The following HSPG2 variants were observed in gnomAD, a reference collection of about 807,000 sequenced individuals.
HSPG2 encodes the protein basement membrane-specific heparan sulfate proteoglycan core protein.
A neutral mutation model predicts 526.6 loss-of-function variants in HSPG2; 278 were observed. The observed-to-expected ratio is 0.53, with a 90% CI of 0.48 to 0.58. The LOEUF (loss-of-function observed/expected upper bound fraction) is 0.58, where lower values mean the gene tolerates loss of function less well. HSPG2 is among the 20% of genes least tolerant of loss of function. HSPG2 has a pLI of 0.00. For synonymous variants in HSPG2, 2,465 were observed against 2,555.4 expected, an observed-to-expected ratio of 0.96 and a Z score of 1.07; for missense variants, 5,354 against 6,099.5, an observed-to-expected ratio of 0.88 and a Z score of 4.07.
In HSPG2 at chr1:21,858,798, G is replaced by A. The variant is rs1350913108; in HGVS notation, c.5293+768C>T. 6.6e-6 allele frequency among the ~76,000 whole-genome samples: 1 copy of A among 152,192 alleles called. No homozygotes were observed. The highest frequency in any genetic ancestry group is 1.5e-5 in the Non-Finnish European group (1 of 68,032). ...GGGACAGATGTGCAGGGGACTTGATGCTCCCAGAATAGGTCTCAGTCAATG... is the reference window on the plus strand; with the variant it reads ...GGGACAGATGTGCAGGGGACTTGATACTCCCAGAATAGGTCTCAGTCAATG... On this transcript the variant is annotated intron_variant, in intron 42 of 96. Transcript: ENST00000374695. This position sits in a 1 kb window ranked among gnomAD's most constrained non-coding sequence, Gnocchi z 4.2.
intron 47 of HSPG2, 124 bp downstream of exon 47, chr1:21,855,180 A>G (rs1639235427): frequency 7.1e-7 from 1 of 1,403,234 alleles, no homozygotes. Flanking sequence ...GGAGACCACC[A>G]TCTTGGAGGT....
Position 21,851,580 on chromosome 1 carries a change from T to C in HSPG2, c.7124A>G (p.His2375Arg), listed in dbSNP as rs756648640. 1 of 1,613,996 alleles carries C rather than the reference T, an allele frequency of 6.2e-7. No homozygotes were observed. Among genetic ancestry groups the C allele is most frequent in the Non-Finnish European group, 8.5e-7 (1 of 1,180,042 alleles). Residue 2375 changes from histidine (H) to arginine (R), a missense_variant, in exon 55 of 97, where the codon CAC (histidine) becomes CGC (arginine). His to Arg is a conservative substitution (Grantham distance 29). Transcript: ENST00000374695. The part of the protein sequence containing the change: ...PGQSHAQVTW[H>R]KRGGSLPVRH... Reference sequence around the variant, plus strand: ...GACAGGGAGGCTGCCCCCACGCTTGTGCCACGTGACCTGGGCATGGGACTG... The same window carrying C: ...GACAGGGAGGCTGCCCCCACGCTTGCGCCACGTGACCTGGGCATGGGACTG...
rs1406709663 is a variant in HSPG2, at chr1:21,872,380, G to A, written c.4030-3C>T. 1 of 1,563,998 alleles carries A rather than the reference G, an allele frequency of 6.4e-7. No individual in the cohort carries two copies. Among genetic ancestry groups the A allele is most frequent in the Non-Finnish European group, 8.7e-7 (1 of 1,152,716 alleles). The stretch of plus-strand genomic sequence containing the variant: ...CCAGGGGCAAAGTGGGTGGAGATCT[G>A]GCAGGGGAAAAAGGAGGGGGCGTCA... On this transcript the variant is annotated splice_region_variant and splice_polypyrimidine_tract_variant and intron_variant, in intron 32 of 96. Coordinates refer to ENST00000374695, the MANE Select transcript of HSPG2 (RefSeq NM_005529.7). The surrounding 1 kb of genome is among the most constrained non-coding windows in gnomAD (Gnocchi z 5.5).
Position 21,841,687 on chromosome 1 carries a change from T to G in HSPG2, c.9194-14A>C, listed in dbSNP as rs774962810. 6.2e-7 allele frequency: 1 copy of G among 1,613,808 alleles called. No individual in the cohort carries two copies. The highest frequency in any genetic ancestry group is 8.5e-7 in the Non-Finnish European group (1 of 1,179,878). ...TGTGGACGTTGTCTGTGAGGTTGCA[T>G]GGGGGAGGGTGAGAGAGGATTGACC... On this transcript the variant is annotated splice_polypyrimidine_tract_variant and intron_variant, in intron 69 of 96. Coordinates refer to ENST00000374695, the MANE Select transcript of HSPG2 (RefSeq NM_005529.7).
Position 21,898,111 on chromosome 1 carries a change from A to G in HSPG2, c.64-1801T>C, listed in dbSNP as rs544493412. On this transcript the variant is annotated intron_variant, in intron 1 of 96. Transcript: ENST00000374695. This position sits in a 1 kb window ranked among gnomAD's most constrained non-coding sequence, Gnocchi z 4.0. ...CGGACAAAAACGGAATTCATCACCT[A>G]TGAATTCCAGTCACTCTGTGAAGAT... Among the ~76,000 whole-genome samples the G allele has an allele frequency of 6.6e-6, 1 of 152,336 alleles. No individual in the cohort carries two copies. The highest frequency in any genetic ancestry group is 2.4e-5 in the African/African-American group (1 of 41,568).
chr1:21,837,144 C>T (rs1268065038), intron 74 of HSPG2, 138 bp from the exon 75 acceptor site: 14 of 784,318 alleles, frequency 1.8e-5, no homozygotes, highest in South Asian at 3.0e-5. Context: ...GAAAAAAGAC[C>T]GTTCAGTGGC....
At chr1:21,861,506 A>G (rs1340911379) in intron 39 of HSPG2, among the ~76,000 whole-genome samples, 2 of 152,004 alleles carry the variant, frequency 1.3e-5, no homozygotes, top group African/African-American at 4.8e-5. Flanking sequence ...AAAAGAAAGA[A>G]AAAGCATTTA....
chr1:21,880,785 G>A lies in HSPG2; in HGVS notation c.1869C>T (p.Ala623=), dbSNP rs755934504. ...SLRYNVRYEL[A]RGMLEPVQRP... ...GCTGCACTGGCTCCAGCATGCCACG[G>A]GCCAACTCGTAGCGCACGTTGTAAC... is the stretch of plus-strand genomic sequence containing the variant. The change falls in exon 15 of 97, where the codon GCC becomes GCT. Residue 623 remains alanine (A), a synonymous_variant. Transcript: ENST00000374695. 1 of 1,599,302 alleles carries A rather than the reference G, an allele frequency of 6.3e-7. No individual in the cohort carries two copies. The highest frequency in any genetic ancestry group is 8.5e-7 in the Non-Finnish European group (1 of 1,173,732).
chr1:21,860,585 G>C (rs2152730679), intron 39 of HSPG2, among the ~76,000 whole-genome samples: 1 of 152,164 alleles, frequency 6.6e-6, no homozygotes, highest in Admixed American at 6.5e-5. Flanking sequence ...TCCGTCTCCG[G>C]GGTTCACACC....
chr1:21,880,552 C>T lies in HSPG2; in HGVS notation c.2006G>A (p.Trp669Ter). ...QRQVQFSEEH[W>*]VHESGRPVQR... ...CACCGGCCGGCCAGACTCATGGACC[C>T]AGTGCTCCTGGGTATGGGTGAAGGT... The change falls in exon 16 of 97, where the codon TGG becomes TAG. Residue 669 changes from tryptophan to a stop codon, truncating the protein, a stop_gained. Coordinates refer to ENST00000374695, the MANE Select transcript of HSPG2 (RefSeq NM_005529.7). LOFTEE classifies it high-confidence loss of function. 7 of 1,613,480 alleles carry T rather than the reference C, an allele frequency of 4.3e-6. No homozygotes were observed. Among genetic ancestry groups the T allele is most frequent in the Non-Finnish European group, 5.9e-6 (7 of 1,179,922 alleles).
chr1:21,853,173 C>G (rs887941305), intron 50 of HSPG2, 103 bp from the exon 51 acceptor site: 1 of 1,513,524 alleles, frequency 6.6e-7, no homozygotes, highest in Non-Finnish European at 9.0e-7. Flanking sequence ...TGGGGACGGC[C>G]GACAGGTGGC....
In HSPG2 at chr1:21,881,654, A is replaced by C. The variant is rs1356917862; in HGVS notation, c.1655-152T>G. ...CTCTCTTCCAAAGTGAAGAAAATGC[A>C]GTTTTTTGCCGGGTGTGGTGGCTCA... On this transcript the variant is annotated intron_variant, in intron 13 of 96. Transcript: ENST00000374695. The C allele has an allele frequency of 5.2e-6, 4 of 768,486 alleles. No individual in the cohort carries two copies. In the African/African-American group the frequency reaches 5.2e-5, roughly 10 times the overall value. The allele number at this position is 768,486 out of a possible 1,614,324, so 47.6% of individuals were successfully genotyped here. A position where few individuals can be genotyped will look rare whatever the true frequency, so the allele number is the denominator to read the frequency against.
In HSPG2 at chr1:21,848,959, C is replaced by T. The variant is rs771967083; in HGVS notation, c.7519G>A (p.Gly2507Ser). The T allele has an allele frequency of 1.1e-5, 18 of 1,613,870 alleles. No individual in the cohort carries two copies. In the South Asian group the frequency reaches 1.5e-4, roughly 14 times the overall value. Residue 2507 changes from glycine (G) to serine (S), a missense_variant, in exon 58 of 97, where the codon GGC becomes AGC. Coordinates refer to ENST00000374695, the MANE Select transcript of HSPG2 (RefSeq NM_005529.7). This position sits in a 1 kb window ranked among gnomAD's most constrained non-coding sequence, Gnocchi z 4.9. ...DSGEYVCRVV[G>S]SSGTQEASVL... ...GAGGCTTCCTGGGTACCTGAGCTGC[C>T]GACCACACGGCACACGTACTCCCCT...
chr1:21,875,394 C>T (rs778426590), intron 25 of HSPG2, among the ~76,000 whole-genome samples: 2 of 152,096 alleles, frequency 1.3e-5, no homozygotes, highest in African/African-American at 4.8e-5. Flanking sequence ...CCCCCTCCTG[C>T]GTCCCTCTCC....
chr1:21,846,693 AGAGT>A, intron 62 of HSPG2, 94 bp from the exon 63 acceptor site: 1 of 1,388,428 alleles, frequency 7.2e-7, no homozygotes. Flanking sequence ...CTCACCCCCC[AGAGT>A]AACACTAATA....
chr1:21,883,906 T>C (rs1404149996), intron 13 of HSPG2, among the ~76,000 whole-genome samples: 1 of 152,136 alleles, frequency 6.6e-6, no homozygotes, highest in African/African-American at 2.4e-5. Flanking sequence ...CCTCTATCTT[T>C]GGGAAAATAG....
chr1:21,838,796 C>T (rs572269297), intron 74 of HSPG2, 29 bp downstream of exon 74: 3 of 1,607,788 alleles, frequency 1.9e-6, no homozygotes, highest in African/African-American at 2.7e-5. Flanking sequence ...AAAGGTGATC[C>T]CCTTCCACGC....
intron 1 of HSPG2, among the ~76,000 whole-genome samples, chr1:21,897,886 T>C (rs1642863077): frequency 6.6e-6 from 1 of 152,122 alleles, no homozygotes; most frequent in South Asian, 2.1e-4. Flanking sequence ...TAAATAAGGA[T>C]GACTAGAAAG....
intron 80 of HSPG2, 27 bp from the exon 81 acceptor site, chr1:21,832,633 C>G: frequency 6.3e-7 from 1 of 1,581,184 alleles, no homozygotes; most frequent in Non-Finnish European, 8.7e-7. Context: ...GTGTAAGGGG[C>G]CCCCTTCCAG....
Sources: gnomAD v4.1 joint callset for allele counts (sites outside exome capture counted in the v4.1 genomes callset) on GRCh38, gnomAD v4.1.1 for gene constraint, Gnocchi (gnomAD v3.1) non-coding constraint, MANE v1.5 for transcripts, NCBI Gene and HGNC (gene_info 2026-07-23, HGNC 2026-07-21) for gene names.